H2BC18: variants seen among roughly 807,000 people sequenced by gnomAD.
H2BC18 encodes histone H2B type 2-F.
In H2BC18, 8 loss-of-function variants were observed where a neutral mutation model predicts 6.3. The observed-to-expected ratio is 1.28, with a 90% CI of 0.75 to 2.31. The LOEUF is 2.31. Ranked by LOEUF, H2BC18 falls within the 30% of genes most tolerant of loss-of-function variation. The probability of loss-of-function intolerance (pLI) is 0.00; values close to 1 mark genes in which losing one functional copy is unlikely to be tolerated. For synonymous variants in H2BC18, 104 were observed against 78.1 expected (o/e 1.33, Z -1.75); for missense variants, 106 against 174.5 (o/e 0.61, Z 2.21).
intron 1 of H2BC18, among the ~76,000 whole-genome samples, chr1:149,797,074 G>C (rs1173919861): frequency 6.6e-6 from 1 of 151,980 alleles, no homozygotes; most frequent in Non-Finnish European, 1.5e-5. Flanking sequence ...CACCACACCC[G>C]GCTAATTTTT....
At chr1:149,784,947 A>T (rs1199165890) in intron 1 of H2BC18, among the ~76,000 whole-genome samples, 2 of 151,874 alleles carry the variant, frequency 1.3e-5, no homozygotes, top group Non-Finnish European at 2.9e-5. Flanking sequence ...TTGCTGCAAT[A>T]ATTATCTTTA....
At chr1:149,787,929 C>T in intron 1 of H2BC18, 1 of 243,308 alleles carries the variant, frequency 4.1e-6, no homozygotes, top group South Asian at 5.0e-5. Context: ...GGAGACTTTC[C>T]ATCCAGACTG....
At chr1:149,796,264 G>C (rs1396312488) in intron 1 of H2BC18, among the ~76,000 whole-genome samples, 4 of 152,292 alleles carry the variant, frequency 2.6e-5, no homozygotes, top group Non-Finnish European at 4.4e-5. Flanking sequence ...GAGCATATGT[G>C]AAAGTAAAAG....
chr1:149,806,531 T>C (rs587655537), intron 1 of H2BC18, among the ~76,000 whole-genome samples: 1 of 151,514 alleles, frequency 6.6e-6, no homozygotes, highest in Non-Finnish European at 1.5e-5. Flanking sequence ...GAGGTTGCAG[T>C]GAGCCGAGAT....
exon 2 of H2BC18, chr1:149,782,699 C>A (rs1553750330): frequency 2.0e-6 from 3 of 1,517,684 alleles, no homozygotes; most frequent in South Asian, 1.1e-5. Flanking sequence ...TCTTCAATAT[C>A]TTGCATGTTA....
intron 1 of H2BC18, chr1:149,793,348 A>T (rs1444334337): frequency 8.7e-7 from 1 of 1,144,546 alleles, no homozygotes; most frequent in African/African-American, 1.7e-5. Flanking sequence ...GCAGGAAGGG[A>T]GCTGGCTCGG....
intron 1 of H2BC18, chr1:149,788,627 T>C: frequency 6.2e-7 from 1 of 1,613,968 alleles, no homozygotes; most frequent in Non-Finnish European, 8.5e-7. Flanking sequence ...GGTATTGTAT[T>C]GGAATAGTCA....
At chr1:149,790,977 A>G (rs1284610916) in intron 1 of H2BC18, among the ~76,000 whole-genome samples, 6 of 151,448 alleles carry the variant, frequency 4.0e-5, no homozygotes, top group Non-Finnish European at 7.4e-5. Context: ...TGGCACAGAG[A>G]TATCAGTTGT....
rs1416484808 is a variant in H2BC18, at chr1:149,812,296, C to A, written c.28G>T (p.Ala10Ser). 2 of 1,614,142 alleles carry A rather than the reference C, an allele frequency of 1.2e-6. No individual in the cohort carries two copies. Among genetic ancestry groups the A allele is most frequent in the East Asian group, 4.5e-5 (2 of 44,878 alleles). Reference sequence around the variant, plus strand: ...GCCTTTTTGGAGCCCTTCTTGGGAGCAGGAGCGGATTTCGCTGGATCCGGC... The same window carrying A: ...GCCTTTTTGGAGCCCTTCTTGGGAGAAGGAGCGGATTTCGCTGGATCCGGC... MPDPAKSAPAPKKGSKKAVT... is the reference protein window; with the variant it reads MPDPAKSAPSPKKGSKKAVT... The change falls in exon 1 of 1, where the codon GCT becomes TCT. Residue 10 changes from alanine (A) to serine (S), a missense_variant. This residue lies in a region of H2BC18 where 70 missense variants were observed against 64.6 expected (regional missense o/e 1.08). Coordinates refer to ENST00000369167, the MANE Select transcript of H2BC18 (RefSeq NM_001024599.5).
chr1:149,784,701 TATATATATATATATATATACACAC>T (rs2091494040), intron 1 of H2BC18, among the ~76,000 whole-genome samples: 2 of 3,806 alleles, frequency 5.3e-4, no homozygotes, highest in Non-Finnish European at 1.5e-3. Flanking sequence ...ATATATAAAC[TATATATATATATATATATACACAC>T]ATATATATAG....
chr1:149,808,652 C>T (rs2091945530), downstream of H2BC18, among the ~76,000 whole-genome samples: 3 of 152,150 alleles, frequency 2.0e-5, no homozygotes, highest in South Asian at 2.1e-4. Flanking sequence ...TGAGAAAACA[C>T]GGTCTACTTT....
At chr1:149,800,155 G>T (rs1220520112) in intron 1 of H2BC18, among the ~76,000 whole-genome samples, 3 of 152,044 alleles carry the variant, frequency 2.0e-5, no homozygotes, top group African/African-American at 7.2e-5. Context: ...GGGTTTACTG[G>T]TTTATAACAA....
At chr1:149,793,138 T>A (rs1172247766) in intron 1 of H2BC18, 23 of 1,274,794 alleles carry the variant, frequency 1.8e-5, no homozygotes, top group Non-Finnish European at 2.2e-5. Context: ...CGGCCGAGCC[T>A]CCGCGGAGAG....
downstream of H2BC18, among the ~76,000 whole-genome samples, chr1:149,807,821 AAGAG>A (rs587706663): frequency 2.3e-3 from 307 of 133,236 alleles, no homozygotes; most frequent in African/African-American, 7.5e-3. Flanking sequence ...AGAAGAAAGA[AAGAG>A]AGAGAGAGAG....
chr1:149,797,831 A>G (rs1434642619), intron 1 of H2BC18, among the ~76,000 whole-genome samples: 6 of 152,194 alleles, frequency 3.9e-5, no homozygotes, highest in Non-Finnish European at 8.8e-5. Flanking sequence ...TTCCAGAGGC[A>G]ATAATTGGGA....
At chr1:149,784,335 T>C (rs1266558257) in intron 1 of H2BC18, 1 of 1,611,482 alleles carries the variant, frequency 6.2e-7, no homozygotes, top group Admixed American at 1.7e-5. Flanking sequence ...ATGCCAGATG[T>C]GTGTGTGTCG....
At chr1:149,789,926 A>C in intron 1 of H2BC18, 1 of 1,580,108 alleles carries the variant, frequency 6.3e-7, no homozygotes. Flanking sequence ...CTGGAAGTAA[A>C]AAGGGTTAAT....
At chr1:149,799,874 G>A (rs1355470502) in intron 1 of H2BC18, among the ~76,000 whole-genome samples, 12 of 152,284 alleles carry the variant, frequency 7.9e-5, no homozygotes, top group East Asian at 1.9e-4. Flanking sequence ...GAAGACTGAC[G>A]GCGGAGGGGG....
downstream of H2BC18, among the ~76,000 whole-genome samples, chr1:149,807,140 A>G (rs1203088696): frequency 1.3e-5 from 2 of 152,120 alleles, no homozygotes; most frequent in African/African-American, 4.8e-5. Flanking sequence ...TGCTGGACAT[A>G]TTTTGAGCCA....
Sources: gnomAD v4.1 joint callset for allele counts (sites outside exome capture counted in the v4.1 genomes callset) on GRCh38, gnomAD v4.1.1 for gene constraint, gnomAD v4.1.1 regional missense constraint, MANE v1.5 for transcripts, NCBI Gene and HGNC (gene_info 2026-07-23, HGNC 2026-07-21) for gene names.